RALYL: variants seen among roughly 807,000 people sequenced by gnomAD.
RALYL encodes the protein RNA-binding Raly-like protein.
In RALYL, 29 loss-of-function variants were observed where a neutral mutation model predicts 35.1. The observed-to-expected ratio is 0.83, with a 90% CI of 0.61 to 1.13. The LOEUF (loss-of-function observed/expected upper bound fraction) is 1.13, where lower values mean the gene tolerates loss of function less well. RALYL is among the 50% of genes most tolerant of loss of function. The pLI, the probability that RALYL is intolerant of heterozygous loss-of-function variation, is 0.00. For missense variants in RALYL, 359 were observed against 360.4 expected (o/e 1.00, Z 0.03); for synonymous variants, 120 against 127.6 (o/e 0.94, Z 0.40).
intron 1 of RALYL, among the ~76,000 whole-genome samples, chr8:84,325,491 A>G (rs1845639256): frequency 6.6e-6 from 1 of 152,220 alleles, no homozygotes; most frequent in Admixed American, 6.5e-5. Context: ...CAATTCTTCA[A>G]AAGTGTCAAC....
chr8:84,603,495 GAA>G (rs1274595384), intron 2 of RALYL, among the ~76,000 whole-genome samples: 1 of 151,984 alleles, frequency 6.6e-6, no homozygotes, highest in Non-Finnish European at 1.5e-5. Flanking sequence ...AAAAGAGTCA[GAA>G]AAGGAGAGTG....
At chr8:84,535,218 A>G (rs1392903285) in intron 2 of RALYL, among the ~76,000 whole-genome samples, 2 of 152,196 alleles carry the variant, frequency 1.3e-5, no homozygotes, top group African/African-American at 4.8e-5. Context: ...AACTTAGTCT[A>G]TATCACACAA....
chr8:84,862,701 C>A (rs1478199116), intron 6 of RALYL, among the ~76,000 whole-genome samples: 5 of 152,246 alleles, frequency 3.3e-5, no homozygotes, highest in African/African-American at 1.2e-4. Flanking sequence ...TTTATCAGAG[C>A]AAATAACACT....
chr8:84,370,526 G>T (rs1217378920), intron 1 of RALYL, among the ~76,000 whole-genome samples: 1 of 151,800 alleles, frequency 6.6e-6, no homozygotes, highest in East Asian at 1.9e-4. Context: ...TGTTAAACGG[G>T]GAACCATATG....
At chr8:84,275,850 A>G (rs1162726708) in intron 1 of RALYL, among the ~76,000 whole-genome samples, 2 of 152,118 alleles carry the variant, frequency 1.3e-5, no homozygotes, top group African/African-American at 4.8e-5. Flanking sequence ...GATCTTTACA[A>G]ATGTCATGCT....
chr8:84,436,543 G>GTTTT (rs150233257), intron 1 of RALYL, among the ~76,000 whole-genome samples: 2 of 62,394 alleles, frequency 3.2e-5, no homozygotes, highest in African/African-American at 8.0e-5. Context: ...AATCATGGGA[G>GTTTT]TTTTTTTTTT....
chr8:84,735,840 G>C (rs890287515), intron 2 of RALYL, among the ~76,000 whole-genome samples: 1 of 149,730 alleles, frequency 6.7e-6, no homozygotes, highest in South Asian at 2.1e-4. Context: ...GAGAGAGAGA[G>C]AGAGAGAGAA....
At chr8:84,518,461 C>T (rs1476732798) in intron 1 of RALYL, among the ~76,000 whole-genome samples, 1 of 152,106 alleles carries the variant, frequency 6.6e-6, no homozygotes. Context: ...TAATGCATTG[C>T]TAGATGCTAT....
At chr8:84,602,493 A>G (rs1475964471) in intron 2 of RALYL, among the ~76,000 whole-genome samples, 2 of 152,116 alleles carry the variant, frequency 1.3e-5, no homozygotes, top group Admixed American at 6.6e-5. Context: ...CTCTCATTCC[A>G]GTCAATTCCC....
In RALYL at chr8:84,419,225, T is replaced by C. The variant is rs1005972447; in HGVS notation, c.-23-110074T>C. 1.7e-4 allele frequency among the ~76,000 whole-genome samples: 26 copies of C among 152,328 alleles called. 1 individual carries two copies. Among genetic ancestry groups the C allele is most frequent in the Non-Finnish European group, 3.8e-4 (26 of 68,026 alleles). On this transcript the variant is annotated intron_variant, in intron 1 of 8. Coordinates refer to ENST00000521268, the MANE Select transcript of RALYL (RefSeq NM_173848.7). ...TGTATATTCACAGAGGACTTTGCGT[T>C]GTGGCTCATAGTCTTCTTGTTCACC...
At chr8:84,442,948 C>A (rs2048492287) in intron 1 of RALYL, among the ~76,000 whole-genome samples, 1 of 152,122 alleles carries the variant, frequency 6.6e-6, no homozygotes, top group East Asian at 1.9e-4. Flanking sequence ...CTGTTCTACT[C>A]CTCAATTTTC....
chr8:84,374,626 C>T (rs762498893), intron 1 of RALYL, among the ~76,000 whole-genome samples: 4 of 151,846 alleles, frequency 2.6e-5, no homozygotes, highest in Admixed American at 1.3e-4. Context: ...CCAAGTATTG[C>T]ATGTTCTCAC....
intron 4 of RALYL, among the ~76,000 whole-genome samples, chr8:84,807,501 T>C (rs1330398266): frequency 6.6e-6 from 1 of 152,216 alleles, no homozygotes; most frequent in Non-Finnish European, 1.5e-5. Flanking sequence ...CTTTTTCATA[T>C]AATGACTTCT....
chr8:84,664,752 T>A (rs1831634840), intron 2 of RALYL, among the ~76,000 whole-genome samples: 1 of 152,138 alleles, frequency 6.6e-6, no homozygotes. Flanking sequence ...TTTCTAGATA[T>A]AGGATCGTGT....
chr8:84,584,364 G>T (rs1466088239), intron 2 of RALYL, among the ~76,000 whole-genome samples: 3 of 152,070 alleles, frequency 2.0e-5, no homozygotes, highest in Non-Finnish European at 4.4e-5. Context: ...CAGCACTTTG[G>T]CAGGCTGAGG....
Position 84,742,930 on chromosome 8 carries a change from T to TTGAGATCCTTGAATG in RALYL, c.257-31634_257-31620dup, listed in dbSNP as rs77930390. Among the ~76,000 whole-genome samples the TTGAGATCCTTGAATG allele has an allele frequency of 3.3e-5, 5 of 152,120 alleles. No homozygotes were observed. The East Asian group carries it at 9.7e-4, about 29-fold the overall frequency. On this transcript the variant is annotated intron_variant, in intron 2 of 8. Transcript: ENST00000521268. The stretch of plus-strand genomic sequence containing the variant: ...TGAAAGCAGAAGTTACTACTACTTA[T>TTGAGATCCTTGAATG]TGAGATCCTTGAATGTGAGATCCTT...
rs1332402494 is a variant in RALYL at position 84,641,731 on chromosome 8, A to C, written c.256+112154A>C. ...TTAAGCACGTGTGTATTTTGCTGAT[A>C]ACTCAGAAGATTCAGCTGTTTTTAT... On this transcript the variant is annotated intron_variant, in intron 2 of 8. Transcript: ENST00000521268. Among the ~76,000 whole-genome samples the C allele has an allele frequency of 2.0e-5, 3 of 151,208 alleles. No individual in the cohort carries two copies. The East Asian group carries it at 5.9e-4, about 29-fold the overall frequency.
chr8:84,680,774 C>T (rs1835294548), intron 2 of RALYL, among the ~76,000 whole-genome samples: 2 of 152,090 alleles, frequency 1.3e-5, no homozygotes, highest in Admixed American at 1.3e-4. Context: ...GAGTAGGTTG[C>T]AAAAATTTTC....
intron 3 of RALYL, among the ~76,000 whole-genome samples, chr8:84,792,897 A>G (rs1821128354): frequency 6.6e-6 from 1 of 152,226 alleles, no homozygotes; most frequent in African/African-American, 2.4e-5. Flanking sequence ...GTATAAGAGC[A>G]AGTCACAAGG....
Sources: gnomAD v4.1 joint callset for allele counts (sites outside exome capture counted in the v4.1 genomes callset) on GRCh38, gnomAD v4.1.1 for gene constraint, MANE v1.5 for transcripts, NCBI Gene and HGNC (gene_info 2026-07-23, HGNC 2026-07-21) for gene names.